AREL1: variants seen among roughly 807,000 people sequenced by gnomAD.
The protein encoded by AREL1 is apoptosis resistant E3 ubiquitin protein ligase 1.
In AREL1, 62 loss-of-function variants were observed where a neutral mutation model predicts 99.0. That is an observed-to-expected ratio of 0.63 (90% CI 0.51 to 0.77). AREL1 has a LOEUF of 0.77. AREL1 is among the 30% of genes least tolerant of loss of function. The pLI, the probability that AREL1 is intolerant of heterozygous loss-of-function variation, is 0.00. For missense variants in AREL1, 879 were observed against 1,027.6 expected (o/e 0.86, Z 1.98); for synonymous variants, 380 against 376.5 (o/e 1.01, Z -0.11).
intron 17 of AREL1, among the ~76,000 whole-genome samples, chr14:74,666,541 C>G (rs1372654243): frequency 2.0e-5 from 3 of 151,980 alleles, no homozygotes; most frequent in Admixed American, 6.6e-5. Context: ...GGTTTGTTTC[C>G]TTCACTTCAT....
intron 12 of AREL1, 41 bp downstream of exon 12, chr14:74,671,367 A>C (rs200009478): frequency 1.4e-5 from 3 of 211,680 alleles, no homozygotes; most frequent in Non-Finnish European, 2.9e-5. Flanking sequence ...GCGAGTGGGG[A>C]GGAGAGTTCA....
intron 1 of AREL1, among the ~76,000 whole-genome samples, chr14:74,693,009 A>G (rs1246685632): frequency 6.6e-6 from 1 of 152,148 alleles, no homozygotes; most frequent in Non-Finnish European, 1.5e-5. Context: ...TCTTCAGTAG[A>G]AGCAAACTAG....
intron 9 of AREL1, 57 bp downstream of exon 9, chr14:74,673,977 G>A: frequency 6.9e-7 from 1 of 1,445,460 alleles, no homozygotes; most frequent in Non-Finnish European, 9.7e-7. Context: ...ATAAAAGGCT[G>A]AGATAGTCCA....
At chr14:74,667,998 A>G (rs1281424761) in intron 15 of AREL1, among the ~76,000 whole-genome samples, 5 of 152,236 alleles carry the variant, frequency 3.3e-5, no homozygotes, top group African/African-American at 1.2e-4. Flanking sequence ...TATGTCTCAG[A>G]AATTCCAAGA....
At chr14:74,697,510 C>T (rs752216246) in intron 1 of AREL1, among the ~76,000 whole-genome samples, 1 of 152,336 alleles carries the variant, frequency 6.6e-6, no homozygotes, top group Middle Eastern at 3.4e-3. Flanking sequence ...AGTTTATACT[C>T]CCCAACCCAA....
At chr14:74,688,626 T>C (rs550979717) in intron 2 of AREL1, among the ~76,000 whole-genome samples, 1 of 152,120 alleles carries the variant, frequency 6.6e-6, no homozygotes, top group South Asian at 2.1e-4. Context: ...GACCAGAGAG[T>C]TAGTTCTATC....
At chr14:74,712,526 C>CA (rs1268055352) in intron 1 of AREL1, among the ~76,000 whole-genome samples, 1 of 152,080 alleles carries the variant, frequency 6.6e-6, no homozygotes, top group African/African-American at 2.4e-5. Context: ...GATGACACAC[C>CA]AAGGCTTCAC....
chr14:74,677,742 T>C (rs1281989358), intron 5 of AREL1, among the ~76,000 whole-genome samples: 4 of 151,044 alleles, frequency 2.6e-5, no homozygotes, highest in Non-Finnish European at 5.9e-5. Flanking sequence ...ACCTTGTAAT[T>C]TGCCCGCCTC....
At chr14:74,680,894 C>T (rs927416442) in intron 5 of AREL1, among the ~76,000 whole-genome samples, 5 of 152,250 alleles carry the variant, frequency 3.3e-5, no homozygotes, top group Admixed American at 6.5e-5. Context: ...AAATCCAAGA[C>T]ACTTCTAGGC....
chr14:74,702,506 A>AG (rs1199317900), intron 1 of AREL1, among the ~76,000 whole-genome samples: 4 of 152,272 alleles, frequency 2.6e-5, no homozygotes, highest in East Asian at 1.9e-4. Context: ...TGCACACAGC[A>AG]GGGGGGACCT....
intron 1 of AREL1, among the ~76,000 whole-genome samples, chr14:74,706,734 T>A (rs1294931889): frequency 2.6e-5 from 4 of 152,138 alleles, no homozygotes; most frequent in Admixed American, 2.6e-4. Context: ...TTTAGAAACA[T>A]AAAAGCTTAG....
In AREL1 at chr14:74,661,281, T is replaced by C. The variant is rs1482873726; in HGVS notation, c.*2439A>G. 2 of 456,306 alleles carry C rather than the reference T, an allele frequency of 4.4e-6. No individual in the cohort carries two copies. The highest frequency in any genetic ancestry group is 3.1e-5 in the South Asian group (2 of 64,518). 28.3% of individuals were successfully genotyped at this position (456,306 alleles called of 1,614,324 possible). ...TTCTTTTAAACATTTATTTATCTAC[T>C]GTACAAAATATTTACATCATCAGCT... On this transcript the variant is annotated 3_prime_UTR_variant, in exon 20 of 20. Transcript: ENST00000356357.
At chr14:74,692,849 G>A (rs377260912) in intron 1 of AREL1, among the ~76,000 whole-genome samples, 15 of 152,092 alleles carry the variant, frequency 9.9e-5, no homozygotes, top group East Asian at 5.8e-4. Context: ...GACTACAGGC[G>A]TGCACTACCA....
intron 2 of AREL1, among the ~76,000 whole-genome samples, chr14:74,687,321 C>T (rs2089770722): frequency 6.6e-6 from 1 of 152,234 alleles, no homozygotes. Flanking sequence ...AACAACCCTT[C>T]TGTGAGAGAC....
chr14:74,712,946 T>C lies in AREL1; in HGVS notation c.-347A>G, dbSNP rs1038908794. The C allele has an allele frequency of 1.3e-5, 9 of 694,558 alleles. No individual in the cohort carries two copies. Among genetic ancestry groups the C allele is most frequent in the Non-Finnish European group, 2.1e-5 (8 of 381,700 alleles). 43.0% of individuals were successfully genotyped at this position (694,558 alleles called of 1,614,324 possible). On this transcript the variant is annotated 5_prime_UTR_variant, in exon 1 of 20. Coordinates refer to ENST00000356357, the MANE Select transcript of AREL1 (RefSeq NM_001039479.2). ...GAGAAACGTTACCCGAGCCGGGGGT[T>C]GCAGCGCGACGAAGTTCCACCTCCG...
intron 2 of AREL1, among the ~76,000 whole-genome samples, chr14:74,691,348 A>AAAT (rs2089875471): frequency 6.7e-6 from 1 of 150,338 alleles, no homozygotes; most frequent in African/African-American, 2.4e-5. Context: ...AAAAAAAAAA[A>AAAT]GCCTACGTCT....
intron 1 of AREL1, among the ~76,000 whole-genome samples, chr14:74,701,132 A>T (rs930869908): frequency 2.0e-5 from 3 of 152,210 alleles, no homozygotes; most frequent in Non-Finnish European, 4.4e-5. Context: ...TGCTCTCAGA[A>T]GCAACAGGAT....
chr14:74,682,851 A>C (rs565035250), intron 5 of AREL1, among the ~76,000 whole-genome samples: 1 of 152,298 alleles, frequency 6.6e-6, no homozygotes, highest in East Asian at 1.9e-4. Flanking sequence ...TTCCACCATG[A>C]GTGGAAGCTT....
rs548819538 is a variant in AREL1, at chr14:74,681,434, T to C, written c.481+1862A>G. On this transcript the variant is annotated intron_variant, in intron 5 of 19. Transcript: ENST00000356357. ...TATAATATTCTTCAAATGACAAAAT[T>C]ATAGAAATGGGGAATAGATTCGTGG... Among the ~76,000 whole-genome samples, 5 of 137,682 alleles carry C rather than the reference T, an allele frequency of 3.6e-5. No homozygotes were observed. The South Asian group carries it at 1.1e-3, about 30-fold the overall frequency. The allele number at this position is 137,682 out of a possible 152,430, so 90.3% of individuals were successfully genotyped here.
Sources: gnomAD v4.1 joint callset for allele counts (sites outside exome capture counted in the v4.1 genomes callset) on GRCh38, gnomAD v4.1.1 for gene constraint, MANE v1.5 for transcripts, NCBI Gene and HGNC (gene_info 2026-07-23, HGNC 2026-07-21) for gene names.